OSBPL6: variants seen among roughly 807,000 people sequenced by gnomAD.
OSBPL6 encodes oxysterol-binding protein-related protein 6.
In OSBPL6, 49 loss-of-function variants were observed where a neutral mutation model predicts 125.8. The observed-to-expected ratio is 0.39, with a 90% CI of 0.31 to 0.49. The LOEUF (loss-of-function observed/expected upper bound fraction) is 0.49, where lower values mean the gene tolerates loss of function less well. Ranked by LOEUF, OSBPL6 falls within the 20% of genes least tolerant of loss-of-function variation. The probability of loss-of-function intolerance (pLI) is 0.88; values close to 1 mark genes in which losing one functional copy is unlikely to be tolerated. For synonymous variants in OSBPL6, 394 were observed against 391.8 expected, an observed-to-expected ratio of 1.01 and a Z score of -0.07; for missense variants, 986 against 1,135.4, an observed-to-expected ratio of 0.87 and a Z score of 1.89.
At chr2:178,305,991 T>G in intron 2 of OSBPL6, 39 bp from the exon 3 acceptor site, 1 of 433,108 alleles carries the variant, frequency 2.3e-6, no homozygotes, top group Non-Finnish European at 4.1e-6. Flanking sequence ...TAATTTGACT[T>G]TTAATTACTT....
chr2:178,347,285 C>CT (rs1260572712), intron 11 of OSBPL6, among the ~76,000 whole-genome samples: 6 of 152,254 alleles, frequency 3.9e-5, no homozygotes, highest in Admixed American at 3.9e-4. Context: ...TTGAGGGCAC[C>CT]TGAATGCAGA....
At chr2:178,302,663 T>A (rs1365129039) in intron 2 of OSBPL6, among the ~76,000 whole-genome samples, 1 of 152,228 alleles carries the variant, frequency 6.6e-6, no homozygotes, top group East Asian at 1.9e-4. Flanking sequence ...AATTAAGTTC[T>A]CTTACTTTTT....
rs201460212 is a variant in OSBPL6 at position 178,379,285 on chromosome 2, AAAGAAAGAAAG to A, written c.1534-3121_1534-3111del. 8.1e-4 allele frequency among the ~76,000 whole-genome samples: 115 copies of A among 141,930 alleles called. 1 individual carries two copies. The highest frequency in any genetic ancestry group is 2.8e-3 in the African/African-American group (109 of 38,542). 93.1% of individuals were successfully genotyped at this position (141,930 alleles called of 152,430 possible). A position where few individuals can be genotyped will look rare whatever the true frequency, so the allele number is the denominator to read the frequency against. On this transcript the variant is annotated intron_variant, in intron 15 of 24. Transcript: ENST00000190611. ...ACAAAGAAAGAGAAAGAAAGAAAGA[AAAGAAAGAAAG>A]AAGAAAGAAAGAAACAGGAAGGAAG...
intron 13 of OSBPL6, among the ~76,000 whole-genome samples, chr2:178,365,571 G>T (rs1295106440): frequency 6.6e-6 from 1 of 152,148 alleles, no homozygotes; most frequent in Non-Finnish European, 1.5e-5. Context: ...AGCTACTTGG[G>T]AGGCTGAGGC....
chr2:178,350,183 A>G (rs1691124995), intron 12 of OSBPL6, among the ~76,000 whole-genome samples: 1 of 152,206 alleles, frequency 6.6e-6, no homozygotes, highest in Non-Finnish European at 1.5e-5. Flanking sequence ...TTAAATTGTT[A>G]TAATCAGCCG....
rs553068329 is a variant in OSBPL6 at position 178,339,783 on chromosome 2, C to T, written c.987+19C>T. 10 of 1,562,714 alleles carry T rather than the reference C, an allele frequency of 6.4e-6. No homozygotes were observed. The Admixed American group carries it at 1.6e-4, about 26-fold the overall frequency. On this transcript the variant is annotated intron_variant, in intron 11 of 24. Coordinates refer to ENST00000190611, the MANE Select transcript of OSBPL6 (RefSeq NM_032523.4). ...ACTGCAGGTACAGATTTTACTTTTC[C>T]TTCATTCACGTTTCTACATATTTTT...
At chr2:178,200,773 GA>G (rs1243287918) in intron 1 of OSBPL6, among the ~76,000 whole-genome samples, 2 of 151,912 alleles carry the variant, frequency 1.3e-5, no homozygotes, top group Non-Finnish European at 2.9e-5. Context: ...AATGCTTTAG[GA>G]ATTCCAGATA....
At chr2:178,379,865 A>T (rs1160692211) in intron 15 of OSBPL6, among the ~76,000 whole-genome samples, 1 of 152,218 alleles carries the variant, frequency 6.6e-6, no homozygotes, top group Admixed American at 6.5e-5. Flanking sequence ...ATGCAAAAAC[A>T]AAATTACCAT....
intron 12 of OSBPL6, among the ~76,000 whole-genome samples, chr2:178,358,879 A>G (rs907099836): frequency 2.6e-5 from 4 of 152,196 alleles, no homozygotes; most frequent in Non-Finnish European, 5.9e-5. Flanking sequence ...ACCATGTATC[A>G]GATAAGGGCT....
At chr2:178,279,159 T>C (rs181157830) in intron 1 of OSBPL6, among the ~76,000 whole-genome samples, 74 of 152,354 alleles carry the variant, frequency 4.9e-4, no homozygotes, top group African/African-American at 1.8e-3. Flanking sequence ...TGCTTAATCT[T>C]GTCTCCATTT....
In OSBPL6 at chr2:178,402,113, A is replaced by T. The variant is rs1457398522; in HGVS notation, c.*6554A>T. On this transcript the variant is annotated 3_prime_UTR_variant, in exon 25 of 25. Transcript: ENST00000190611. ...AGCAAGTTCCTGTCTTAAAAAAAAAAGTAATAAAAAAGACATTTAAAAAAA... is the reference window on the plus strand; with the variant it reads ...AGCAAGTTCCTGTCTTAAAAAAAAATGTAATAAAAAAGACATTTAAAAAAA... 2 of 151,964 alleles carry T rather than the reference A, an allele frequency of 1.3e-5. No homozygotes were observed. The highest frequency in any genetic ancestry group is 2.4e-5 in the African/African-American group (1 of 41,298). The allele number at this position is 151,964 out of a possible 1,614,324, so 9.4% of individuals were successfully genotyped here. A position where few individuals can be genotyped will look rare whatever the true frequency, so the allele number is the denominator to read the frequency against.
In OSBPL6 at chr2:178,236,568, G is replaced by A. The variant is rs139337993; in HGVS notation, c.-351+41894G>A. ...CTTCAGATGGCCATACCACCAGCAT[G>A]TGCTGTGGGAGATACCAGGGGATCC... is the stretch of plus-strand genomic sequence containing the variant. On this transcript the variant is annotated intron_variant, in intron 1 of 24. Coordinates refer to ENST00000190611, the MANE Select transcript of OSBPL6 (RefSeq NM_032523.4). Among the ~76,000 whole-genome samples the A allele has an allele frequency of 2.0e-3, 297 of 152,286 alleles. 2 individuals carry two copies. Among genetic ancestry groups the A allele is most frequent in the Middle Eastern group, 0.01 (3 of 294 alleles).
chr2:178,327,881 C>T (rs939343355), intron 4 of OSBPL6, among the ~76,000 whole-genome samples: 1 of 152,120 alleles, frequency 6.6e-6, no homozygotes, highest in East Asian at 1.9e-4. Flanking sequence ...ACTAATTGAA[C>T]ATTTGTCATC....
intron 8 of OSBPL6, among the ~76,000 whole-genome samples, chr2:178,333,299 T>G (rs1299171922): frequency 6.6e-6 from 1 of 152,148 alleles, no homozygotes; most frequent in African/African-American, 2.4e-5. Context: ...GCACGAAAAT[T>G]GCTTGAACCT....
intron 3 of OSBPL6, among the ~76,000 whole-genome samples, chr2:178,318,812 A>G (rs2154069414): frequency 6.6e-6 from 1 of 152,332 alleles, no homozygotes; most frequent in East Asian, 1.9e-4. Context: ...GGTGTCAGAC[A>G]CCAGCAAAGT....
intron 12 of OSBPL6, among the ~76,000 whole-genome samples, chr2:178,359,933 GAA>G (rs1692173559): frequency 6.6e-6 from 1 of 152,070 alleles, no homozygotes; most frequent in Non-Finnish European, 1.5e-5. Flanking sequence ...CTAAAATTAC[GAA>G]AATTAGTCAG....
chr2:178,396,922 C>CCTGT lies in OSBPL6; in HGVS notation c.*1364_*1367dup, dbSNP rs1165463283. ...CTGCACGTAGGTGACTATATAAATGCCTGTATGTTTTTTTTAAAATATCTC... is the reference window on the plus strand; with the variant it reads ...CTGCACGTAGGTGACTATATAAATGCCTGTCTGTATGTTTTTTTTAAAATATCTC... On this transcript the variant is annotated 3_prime_UTR_variant, in exon 25 of 25. Transcript: ENST00000190611. 6.6e-6 allele frequency: 1 copy of CCTGT among 152,032 alleles called. No homozygotes were observed. The highest frequency in any genetic ancestry group is 1.5e-5 in the Non-Finnish European group (1 of 67,996). 9.4% of individuals were successfully genotyped at this position (152,032 alleles called of 1,614,324 possible).
chr2:178,355,467 C>T (rs998099669), intron 12 of OSBPL6, among the ~76,000 whole-genome samples: 1 of 152,188 alleles, frequency 6.6e-6, no homozygotes, highest in Non-Finnish European at 1.5e-5. Flanking sequence ...CACTTCTACG[C>T]AAATAAACTA....
intron 22 of OSBPL6, 26 bp downstream of exon 22, chr2:178,391,243 A>T: frequency 6.4e-7 from 1 of 1,573,296 alleles, no homozygotes; most frequent in South Asian, 1.2e-5. Flanking sequence ...GTGTTCTGCC[A>T]ACAGGAGGGC....
Sources: allele counts gnomAD v4.1 joint callset (sites outside exome capture counted in the v4.1 genomes callset), GRCh38; gene constraint gnomAD v4.1.1; transcripts MANE v1.5; gene names NCBI Gene and HGNC (gene_info 2026-07-23, HGNC 2026-07-21).